KALRN: variants seen among roughly 807,000 people sequenced by gnomAD.
KALRN encodes kalirin RhoGEF kinase.
Under a neutral mutation model 353.7 loss-of-function variants are expected in KALRN, and 70 were observed. The ratio of observed to expected loss-of-function variants is 0.20; its 90% CI spans 0.16 to 0.24. The LOEUF is 0.24. Among genes scored for constraint, KALRN ranks in the 10% least tolerant of loss-of-function variants. The pLI is 1.00. For missense variants in KALRN, 2,791 were observed against 3,756.7 expected (o/e 0.74, Z 6.72); for synonymous variants, 1,391 against 1,434.8 (o/e 0.97, Z 0.69).
intron 38 of KALRN, among the ~76,000 whole-genome samples, chr3:124,655,368 G>T (rs11711670): frequency 2.6e-5 from 4 of 152,070 alleles, no homozygotes; most frequent in African/African-American, 9.6e-5. Context: ...GTCATTTTTC[G>T]TGTGACTATT....
At chr3:124,637,897 T>C (rs1325029772) in intron 37 of KALRN, among the ~76,000 whole-genome samples, 1 of 152,288 alleles carries the variant, frequency 6.6e-6, no homozygotes, top group South Asian at 2.1e-4. Context: ...CATGGACCCA[T>C]CAGCCCGTTG....
rs571844229 is a variant in KALRN at position 124,515,844 on chromosome 3, A to G, written c.4935+19431A>G. On this transcript the variant is annotated intron_variant, in intron 33 of 59. Coordinates refer to ENST00000682506, the MANE Select transcript of KALRN (RefSeq NM_001388419.1). ...ACTATCATTTTTAAAGTTAAGAGCT[A>G]TGCATTGATGTTTAGTTTAACCACT... Among the ~76,000 whole-genome samples the G allele has an allele frequency of 8.1e-4, 123 of 152,310 alleles. 1 individual carries two copies. The highest frequency in any genetic ancestry group is 2.8e-4 in the Non-Finnish European group (19 of 68,024).
chr3:124,539,017 C>T (rs971699700), intron 33 of KALRN, among the ~76,000 whole-genome samples: 1 of 152,124 alleles, frequency 6.6e-6, no homozygotes, highest in Non-Finnish European at 1.5e-5. Flanking sequence ...TCGCATGGTG[C>T]CTGGGGGGCT....
intron 10 of KALRN, among the ~76,000 whole-genome samples, chr3:124,382,881 C>T (rs1216780280): frequency 6.6e-6 from 1 of 152,072 alleles, no homozygotes; most frequent in African/African-American, 2.4e-5. Flanking sequence ...CTGTCATTCC[C>T]CTTGTCTCCC....
chr3:124,694,295 C>T (rs2061957182), intron 52 of KALRN, 37 bp from the exon 53 acceptor site: 4 of 1,594,380 alleles, frequency 2.5e-6, no homozygotes, highest in South Asian at 1.1e-5. Context: ...TCTAAATTTG[C>T]TCTGAATGAT....
chr3:124,100,798 A>G (rs924890848), intron 1 of KALRN, among the ~76,000 whole-genome samples: 1 of 152,212 alleles, frequency 6.6e-6, no homozygotes, highest in Admixed American at 6.5e-5. Flanking sequence ...CGTAATGTCC[A>G]GTTCCTCTGT....
intron 34 of KALRN, among the ~76,000 whole-genome samples, chr3:124,564,566 A>T (rs1275737011): frequency 2.0e-5 from 3 of 151,890 alleles, no homozygotes; most frequent in African/African-American, 4.8e-5. Flanking sequence ...AGTTCCAGCT[A>T]CTCAGTGGGG....
intron 14 of KALRN, among the ~76,000 whole-genome samples, chr3:124,421,496 T>C (rs971864034): frequency 6.6e-6 from 1 of 152,176 alleles, no homozygotes. Context: ...CCCACAAGTT[T>C]AGGAGGTAGG....
intron 1 of KALRN, among the ~76,000 whole-genome samples, chr3:124,201,107 T>C (rs2075900212): frequency 6.6e-6 from 1 of 152,182 alleles, no homozygotes; most frequent in Non-Finnish European, 1.5e-5. Flanking sequence ...AGAATGGGGA[T>C]ATGATGCCAG....
chr3:124,171,557 G>T (rs1459100940), intron 1 of KALRN, among the ~76,000 whole-genome samples: 2 of 152,080 alleles, frequency 1.3e-5, no homozygotes, highest in Admixed American at 1.3e-4. Flanking sequence ...CTACTGGATT[G>T]GTCAAAGCAA....
At chr3:124,225,473 G>T (rs1365332127) in intron 1 of KALRN, among the ~76,000 whole-genome samples, 2 of 152,186 alleles carry the variant, frequency 1.3e-5, no homozygotes, top group Non-Finnish European at 2.9e-5. Context: ...CCTCTACAGG[G>T]TCAGGGAGGA....
chr3:124,045,599 T>C (rs1017065276), intron 1 of KALRN, among the ~76,000 whole-genome samples: 2 of 152,208 alleles, frequency 1.3e-5, no homozygotes, highest in Non-Finnish European at 2.9e-5. Context: ...TTTAGCATAG[T>C]ACTGATTTCA....
At chr3:124,405,040 T>TAA (rs1553952171) in intron 13 of KALRN, among the ~76,000 whole-genome samples, 3 of 150,218 alleles carry the variant, frequency 2.0e-5, no homozygotes, top group Admixed American at 2.0e-4. Flanking sequence ...TCACATTTTC[T>TAA]AAGTACCCCC....
chr3:124,041,053 C>G (rs1211501408), intron 1 of KALRN, among the ~76,000 whole-genome samples: 1 of 151,938 alleles, frequency 6.6e-6, no homozygotes, highest in African/African-American at 2.4e-5. Flanking sequence ...ATGTACCACG[C>G]ATGCTATGGG....
chr3:124,131,507 C>T (rs370386611), intron 1 of KALRN, among the ~76,000 whole-genome samples: 2 of 152,276 alleles, frequency 1.3e-5, no homozygotes, highest in Non-Finnish European at 2.9e-5. Context: ...TAAGATTGTA[C>T]TTGAACTTGA....
chr3:124,392,566 GT>G (rs35858857), intron 11 of KALRN, among the ~76,000 whole-genome samples: 2,024 of 128,022 alleles, frequency 0.016, 48 homozygotes, highest in African/African-American at 0.054. Flanking sequence ...AGTTTTTTTT[GT>G]TTTTTTTTTT....
chr3:124,033,733 C>T lies in KALRN; in HGVS notation c.-8C>T, dbSNP rs1387110253. 6.6e-6 allele frequency among the ~76,000 whole-genome samples: 1 copy of T among 152,034 alleles called. No homozygotes were observed. The highest frequency in any genetic ancestry group is 2.4e-5 in the African/African-American group (1 of 41,420). ...CTCCCGGCTGCCCGCGGACGCCCTC[C>T]CACAGTCATGAACCCCCCTGAGGGA... is the stretch of plus-strand genomic sequence containing the variant. On this transcript the variant is annotated 5_prime_UTR_variant, in exon 1 of 60. Coordinates refer to ENST00000682506, the MANE Select transcript of KALRN (RefSeq NM_001388419.1). This position sits in a 1 kb window ranked among gnomAD's most constrained non-coding sequence, Gnocchi z 6.2.
At chr3:124,115,266 C>T (rs1411658498) in intron 1 of KALRN, among the ~76,000 whole-genome samples, 1 of 152,064 alleles carries the variant, frequency 6.6e-6, no homozygotes, top group African/African-American at 2.4e-5. Flanking sequence ...GCTTTCGGTC[C>T]CATGCTAGGA....
intron 7 of KALRN, among the ~76,000 whole-genome samples, chr3:124,329,112 C>A (rs1278106270): frequency 1.3e-5 from 2 of 152,160 alleles, no homozygotes; most frequent in South Asian, 2.1e-4. Context: ...ATTTTTCCAC[C>A]CAATAAATCT....
Sources: allele counts gnomAD v4.1 joint callset (sites outside exome capture counted in the v4.1 genomes callset), GRCh38; gene constraint gnomAD v4.1.1; non-coding constraint Gnocchi (gnomAD v3.1); transcripts MANE v1.5; gene names NCBI Gene and HGNC (gene_info 2026-07-23, HGNC 2026-07-21).